Variants in EXTL3 observed in about 807,000 individuals in gnomAD.
EXTL3 encodes the protein exostosin-like 3.
Under a neutral mutation model 69.3 loss-of-function variants are expected in EXTL3, and 27 were observed. The ratio of observed to expected loss-of-function variants is 0.39; its 90% confidence interval spans 0.29 to 0.54. The LOEUF (loss-of-function observed/expected upper bound fraction) is 0.54, where lower values mean the gene tolerates loss of function less well. EXTL3 is among the 20% of genes least tolerant of loss of function. The pLI is 0.69. For synonymous variants in EXTL3, 511 were observed against 499.4 expected (o/e 1.02, Z -0.31); for missense variants, 1,003 against 1,231.8 (o/e 0.81, Z 2.78).
At chr8:28,661,683 C>T (rs1807117566) in intron 1 of EXTL3, among the ~76,000 whole-genome samples, 3 of 151,346 alleles carry the variant, frequency 2.0e-5, no homozygotes, top group Non-Finnish European at 4.4e-5. Flanking sequence ...AGTTCCAGAC[C>T]AGCCTGGCCA....
In EXTL3 at chr8:28,647,776, G is replaced by T. The variant is rs188806079; in HGVS notation, c.-53+24966G>T. ...TATGTTAAAGTATTTAATTATCTCT[G>T]CAGGAAATGATCGGAGAAGGCATAA... On this transcript the variant is annotated intron_variant, in intron 1 of 6. Coordinates refer to the EXTL3 transcript ENST00000523149. Among the ~76,000 whole-genome samples the T allele has an allele frequency of 1.8e-3, 274 of 152,188 alleles. 1 individual carries two copies. Among genetic ancestry groups the T allele is most frequent in the African/African-American group, 6.3e-3 (263 of 41,506 alleles).
intron 1 of EXTL3, among the ~76,000 whole-genome samples, chr8:28,641,867 G>A (rs933542873): frequency 2.0e-5 from 3 of 151,148 alleles, no homozygotes; most frequent in Non-Finnish European, 3.0e-5. Flanking sequence ...ACGGAGTCTC[G>A]CTCTGTCACC....
chr8:28,747,854 C>T (rs1310427884), intron 6 of EXTL3, among the ~76,000 whole-genome samples: 1 of 151,456 alleles, frequency 6.6e-6, no homozygotes, highest in African/African-American at 2.4e-5. Flanking sequence ...TAAGCCTCCA[C>T]AGCAGCTGGG....
At chr8:28,744,826 A>G (rs1801856078) in intron 6 of EXTL3, among the ~76,000 whole-genome samples, 1 of 149,770 alleles carries the variant, frequency 6.7e-6, no homozygotes, top group Admixed American at 6.7e-5. Context: ...ACGCACACAC[A>G]GTAGCATGCG....
intron 1 of EXTL3, among the ~76,000 whole-genome samples, chr8:28,629,145 C>T (rs1009401791): frequency 3.3e-5 from 5 of 150,496 alleles, no homozygotes; most frequent in Non-Finnish European, 7.4e-5. Context: ...AAAACCTGTC[C>T]ACCCTCCCCC....
At chr8:28,621,776 C>T (rs1806411929), upstream of EXTL3, among the ~76,000 whole-genome samples, 1 of 152,170 alleles carries the variant, frequency 6.6e-6, no homozygotes, top group African/African-American at 2.4e-5. Context: ...AAACTCTAAG[C>T]TACTTGGAAG....
chr8:28,614,598 T>C (rs1003732948), intron 2 of EXTL3, among the ~76,000 whole-genome samples: 5 of 152,118 alleles, frequency 3.3e-5, no homozygotes, highest in African/African-American at 9.7e-5. Context: ...TATTTTGCTG[T>C]TTTTAAATTT....
intron 1 of EXTL3, among the ~76,000 whole-genome samples, chr8:28,654,965 T>G (rs146935159): frequency 6.2e-4 from 94 of 152,316 alleles, no homozygotes; most frequent in African/African-American, 2.2e-3. Context: ...CAGACCTTTG[T>G]TTGGGAGGCA....
At position 28,709,082 on chromosome 8, in the gene EXTL3, G is replaced by A. The variant is rs78289836; in HGVS notation, c.-569-4375G>A. On this transcript the variant is annotated intron_variant, in intron 1 of 6. Transcript: ENST00000220562. ...TCTTACTTGAATTAATATAGACAGT[G>A]TAACATAATAAAGGCATTAAAGGTA... Among the ~76,000 whole-genome samples, 1,023 of 152,248 alleles carry A rather than the reference G, an allele frequency of 6.7e-3. 18 individuals carry two copies. Among genetic ancestry groups the A allele is most frequent in the African/African-American group, 0.023 (975 of 41,534 alleles).
At chr8:28,634,602 T>TTG (rs1212494856) in intron 1 of EXTL3, among the ~76,000 whole-genome samples, 2 of 151,158 alleles carry the variant, frequency 1.3e-5, no homozygotes, top group African/African-American at 4.9e-5. Flanking sequence ...ATCTGCTTTT[T>TTG]TTTTTTTTTT....
At chr8:28,657,089 CA>C (rs1807023599) in intron 1 of EXTL3, among the ~76,000 whole-genome samples, 1 of 151,968 alleles carries the variant, frequency 6.6e-6, no homozygotes, top group South Asian at 2.1e-4. Context: ...CCACCACCAC[CA>C]CCACACCCAG....
Position 28,610,215 on chromosome 8 carries a change from A to ATGTG in EXTL3, n.314+2477_314+2480dup, listed in dbSNP as rs367793242. Among the ~76,000 whole-genome samples the ATGTG allele has an allele frequency of 1.0e-3, 151 of 149,428 alleles. 2 individuals carry two copies. The highest frequency in any genetic ancestry group is 7.7e-3 in the East Asian group (39 of 5,086). ...GAGACTCCATCTCAAAAATATGTAT[A>ATGTG]TGTGTGTGTGTGTGTGTGTGTGTTT... On this transcript the variant is annotated intron_variant and non_coding_transcript_variant, in intron 2 of 4. Coordinates refer to the EXTL3 transcript ENST00000522725.
chr8:28,741,567 C>T (rs866772982), intron 5 of EXTL3: 5 of 152,240 alleles, frequency 3.3e-5, no homozygotes, highest in African/African-American at 9.6e-5. Flanking sequence ...CTTCTCACCT[C>T]AGCCTCCTGA....
At position 28,750,863 on chromosome 8, in the gene EXTL3, C is replaced by A; in HGVS notation, c.2757C>A (p.Ile919=). 6.2e-7 allele frequency: 1 copy of A among 1,613,714 alleles called. No homozygotes were observed. Among genetic ancestry groups the A allele is most frequent in the African/African-American group, 1.3e-5 (1 of 75,052 alleles). The part of the protein sequence containing the change: ...PHDKTKCFKF[I] ...ACAAGACCAAGTGCTTCAAGTTCAT[C>A]TAGGGGCAGCGCACGGTCTGGGGAA... The change falls in exon 7 of 7, where the codon ATC becomes ATA. Residue 919 remains isoleucine (I), a synonymous_variant. Transcript: ENST00000220562. This position sits in a 1 kb window ranked among gnomAD's most constrained non-coding sequence, Gnocchi z 5.2.
At chr8:28,662,113 T>C (rs977537448) in intron 1 of EXTL3, among the ~76,000 whole-genome samples, 3 of 151,826 alleles carry the variant, frequency 2.0e-5, no homozygotes, top group African/African-American at 7.2e-5. Flanking sequence ...ACATTATTAT[T>C]TTTTTTGATG....
chr8:28,722,024 G>A lies in EXTL3; in HGVS notation c.2148+3817G>A, dbSNP rs145184422. On this transcript the variant is annotated intron_variant, in intron 3 of 6. Coordinates refer to ENST00000220562, the MANE Select transcript of EXTL3 (RefSeq NM_001440.4). ...CATTCTCTTCTTCATAAAGGGTATG[G>A]CTAATTGACGCAGGGTGCCTTGGAA... is the stretch of plus-strand genomic sequence containing the variant. Among the ~76,000 whole-genome samples, 50 of 152,296 alleles carry A rather than the reference G, an allele frequency of 3.3e-4. 1 individual carries two copies. In the East Asian group the frequency reaches 9.1e-3, roughly 28 times the overall value.
rs1801180234 is a variant in EXTL3, at chr8:28,717,352, C to T, written c.1293C>T (p.Ala431=). Residue 431 remains alanine, a synonymous_variant, in exon 3 of 7, where the codon GCC becomes GCT. Coordinates refer to ENST00000220562, the MANE Select transcript of EXTL3 (RefSeq NM_001440.4). This position sits in a 1 kb window ranked among gnomAD's most constrained non-coding sequence, Gnocchi z 8.3. The stretch of plus-strand genomic sequence containing the variant: ...AATTGCTGAAGCTCTCCACCTTCGC[C>T]CTCATCATTACCCCCGGGGACCCTC... ...RLELLKLSTF[A]LIITPGDPRL... is the part of the protein sequence containing the mutation. The T allele has an allele frequency of 1.2e-6, 2 of 1,614,106 alleles. No individual in the cohort carries two copies. The highest frequency in any genetic ancestry group is 1.7e-6 in the Non-Finnish European group (2 of 1,180,054).
intron 1 of EXTL3, among the ~76,000 whole-genome samples, chr8:28,668,067 A>G (rs558562304): frequency 2.4e-4 from 37 of 151,984 alleles, no homozygotes; most frequent in South Asian, 1.9e-3. Flanking sequence ...GTTCAAGACC[A>G]GCCTGGGCAA....
At chr8:28,713,260 A>T (rs1478516875) in intron 1 of EXTL3, among the ~76,000 whole-genome samples, 197 bp from the exon 2 acceptor site, 8 of 152,116 alleles carry the variant, frequency 5.3e-5, no homozygotes, top group African/African-American at 1.7e-4. Flanking sequence ...GTCCCAGTGT[A>T]TTTATTAATA....
Sources: gnomAD v4.1 joint callset for allele counts (sites outside exome capture counted in the v4.1 genomes callset) on GRCh38, gnomAD v4.1.1 for gene constraint, Gnocchi (gnomAD v3.1) non-coding constraint, MANE v1.5 for transcripts, NCBI Gene and HGNC (gene_info 2026-07-23, HGNC 2026-07-21) for gene names.